ADAMTSL3: variants seen among roughly 807,000 people sequenced by gnomAD.
The protein encoded by ADAMTSL3 is ADAMTS like 3.
In ADAMTSL3, 128 loss-of-function variants were observed where a neutral mutation model predicts 201.7. That is an observed-to-expected ratio of 0.63 (90% confidence interval 0.55 to 0.73). The LOEUF (loss-of-function observed/expected upper bound fraction) is 0.73, where lower values mean the gene tolerates loss of function less well. ADAMTSL3 is among the 30% of genes least tolerant of loss of function. ADAMTSL3 has a pLI of 0.00. For synonymous variants in ADAMTSL3, 738 were observed against 748.4 expected (o/e 0.99, Z 0.23); for missense variants, 1,990 against 2,119.6 (o/e 0.94, Z 1.20).
At chr15:83,945,030 C>A (rs537184986) in intron 19 of ADAMTSL3, among the ~76,000 whole-genome samples, 264 of 152,306 alleles carry the variant, frequency 1.7e-3, no homozygotes, top group African/African-American at 6.2e-3. Flanking sequence ...ACTGTCTTAA[C>A]TGAAAACCTA....
chr15:83,811,614 G>A (rs957837192), intron 5 of ADAMTSL3, among the ~76,000 whole-genome samples: 4 of 152,220 alleles, frequency 2.6e-5, no homozygotes, highest in African/African-American at 9.7e-5. Flanking sequence ...GGCCTTGGGG[G>A]TTACCTGTGG....
intron 24 of ADAMTSL3, among the ~76,000 whole-genome samples, chr15:84,015,190 C>T (rs561396670): frequency 1.2e-4 from 19 of 152,248 alleles, no homozygotes; most frequent in African/African-American, 3.9e-4. Context: ...GTGATCTGCC[C>T]GCCTTGGCCT....
intron 3 of ADAMTSL3, among the ~76,000 whole-genome samples, chr15:83,763,536 G>T (rs1418279067): frequency 7.2e-6 from 1 of 137,952 alleles, no homozygotes; most frequent in African/African-American, 2.8e-5. Flanking sequence ...ACAGAGTCTC[G>T]CTCTGTCACC....
rs1330112199 is a variant in ADAMTSL3 at position 84,037,977 on chromosome 15, TG to T, written c.*173del. On this transcript the variant is annotated 3_prime_UTR_variant, in exon 30 of 30. Coordinates refer to ENST00000286744, the MANE Select transcript of ADAMTSL3 (RefSeq NM_207517.3). ...TAAGGTGTAAAGTGAAATTTTCCAA[TG>T]GTAGTTTTATATTCCAATTTTTTAA... 4 of 1,069,760 alleles carry T rather than the reference TG, an allele frequency of 3.7e-6. No individual in the cohort carries two copies. Among genetic ancestry groups the T allele is most frequent in the Non-Finnish European group, 5.1e-6 (4 of 786,286 alleles). The allele number at this position is 1,069,760 out of a possible 1,614,324, so 66.3% of individuals were successfully genotyped here. A position where few individuals can be genotyped will look rare whatever the true frequency, so the allele number is the denominator to read the frequency against.
intron 8 of ADAMTSL3, chr15:83,862,359 C>A (rs1394843444): frequency 6.6e-6 from 1 of 152,204 alleles, no homozygotes; most frequent in Non-Finnish European, 1.5e-5. Context: ...TTGTTAAGGG[C>A]AGCCAGAGAG....
chr15:83,888,321 AAATT>A (rs1374313030), intron 10 of ADAMTSL3, among the ~76,000 whole-genome samples: 2 of 152,222 alleles, frequency 1.3e-5, no homozygotes, highest in African/African-American at 4.8e-5. Context: ...CAAAAGAGGA[AAATT>A]AATTGTCTCT....
Position 83,745,183 on chromosome 15 carries a change from A to T in ADAMTSL3, c.190-28340A>T, listed in dbSNP as rs549620670. Among the ~76,000 whole-genome samples the T allele has an allele frequency of 5.3e-5, 8 of 152,274 alleles. No individual in the cohort carries two copies. The South Asian group carries it at 1.7e-3, about 32-fold the overall frequency. On this transcript the variant is annotated intron_variant, in intron 3 of 29. Coordinates refer to ENST00000286744, the MANE Select transcript of ADAMTSL3 (RefSeq NM_207517.3). ...GCTTCAGAGAGGAGTCCACATGGGG[A>T]GTATCACCTTCCTGGTCCATCCCCT...
intron 15 of ADAMTSL3, 117 bp from the exon 16 acceptor site, chr15:83,912,975 A>G (rs2065958922): frequency 1.8e-6 from 2 of 1,094,184 alleles, no homozygotes; most frequent in Non-Finnish European, 1.3e-6. Context: ...AATGTGTGGA[A>G]TTCCACCGAG....
intron 2 of ADAMTSL3, among the ~76,000 whole-genome samples, chr15:83,703,166 A>C (rs1226218179): frequency 1.3e-5 from 2 of 152,128 alleles, no homozygotes; most frequent in Non-Finnish European, 1.5e-5. Flanking sequence ...TCCCATTTGG[A>C]ATGGCTGTGT....
intron 4 of ADAMTSL3, among the ~76,000 whole-genome samples, chr15:83,795,061 C>T (rs1160341393): frequency 2.0e-5 from 3 of 151,996 alleles, no homozygotes; most frequent in Non-Finnish European, 4.4e-5. Context: ...ACCATGCTGG[C>T]CAGGCTGGTC....
chr15:83,884,918 C>T (rs2065356361), intron 9 of ADAMTSL3, among the ~76,000 whole-genome samples, 183 bp from the exon 10 acceptor site: 1 of 152,158 alleles, frequency 6.6e-6, no homozygotes, highest in Non-Finnish European at 1.5e-5. Flanking sequence ...ACCTGAGCCC[C>T]CATTTATGAC....
rs199843620 is a variant in ADAMTSL3 at position 83,991,074 on chromosome 15, C to G, written c.3845-12C>G. The G allele has an allele frequency of 1.9e-6, 3 of 1,614,122 alleles. No individual in the cohort carries two copies. The highest frequency in any genetic ancestry group is 2.7e-5 in the African/African-American group (2 of 75,058). On this transcript the variant is annotated splice_polypyrimidine_tract_variant and intron_variant, in intron 22 of 29. Transcript: ENST00000286744. ...TGAACCTAACATAGTTTCCTGCTCC[C>G]TTTGAATTAAGAGGCACCTGTCATC...
chr15:83,984,539 CTTTAAAA>C lies in ADAMTSL3; in HGVS notation c.3716+1203_3716+1209del, dbSNP rs1332113745. 1.8e-4 allele frequency among the ~76,000 whole-genome samples: 27 copies of C among 152,198 alleles called. No individual in the cohort carries two copies. In the East Asian group the frequency reaches 5.0e-3, roughly 28 times the overall value. On this transcript the variant is annotated intron_variant, in intron 21 of 29. Transcript: ENST00000286744. ...TTCTCAGAGCTTTTGGTTTTAGACT[CTTTAAAA>C]TTTAAAAATGATTGAGGAGCCTAAA...
chr15:83,827,198 C>A (rs1220938809), intron 6 of ADAMTSL3, among the ~76,000 whole-genome samples: 1 of 152,172 alleles, frequency 6.6e-6, no homozygotes, highest in Non-Finnish European at 1.5e-5. Flanking sequence ...TTAATGATCG[C>A]CATTCTAACT....
intron 27 of ADAMTSL3, among the ~76,000 whole-genome samples, chr15:84,027,103 A>T: frequency 6.6e-6 from 1 of 152,224 alleles, no homozygotes; most frequent in East Asian, 1.9e-4. Flanking sequence ...TCAGCAAGAT[A>T]TGCAAATGGC....
At chr15:83,823,874 C>A (rs964014995) in intron 6 of ADAMTSL3, among the ~76,000 whole-genome samples, 7 of 150,930 alleles carry the variant, frequency 4.6e-5, no homozygotes. Flanking sequence ...AAACAGACTC[C>A]ATTTCCTTCT....
intron 19 of ADAMTSL3, among the ~76,000 whole-genome samples, chr15:83,969,399 A>C (rs1221678823): frequency 1.3e-5 from 2 of 152,350 alleles, no homozygotes; most frequent in East Asian, 3.9e-4. Flanking sequence ...AGCTGAGATC[A>C]TGCCACTGCA....
Position 84,025,410 on chromosome 15 carries a change from T to C in ADAMTSL3, c.4630T>C (p.Cys1544Arg), listed in dbSNP as rs1342600901. 1 of 1,614,048 alleles carries C rather than the reference T, an allele frequency of 6.2e-7. No individual in the cohort carries two copies. The highest frequency in any genetic ancestry group is 1.7e-5 in the Admixed American group (1 of 60,016). ...LGRKPCFGHP[C>R]VQWEPGNRCP... ...AAGAAAACCATGTTTTGGTCATCCA[T>C]GTGTTCAGTGGGAACCAGGGAACCG... The change falls in exon 27 of 30, where the codon TGT becomes CGT. Residue 1544 changes from cysteine to arginine, a missense_variant. By Grantham distance (180) the Cys-to-Arg change is radical. Transcript: ENST00000286744.
chr15:83,866,011 G>T (rs754467602), intron 8 of ADAMTSL3, among the ~76,000 whole-genome samples: 17 of 152,200 alleles, frequency 1.1e-4, no homozygotes, highest in Non-Finnish European at 2.4e-4. Context: ...ATGAAAAAAT[G>T]CTCATCATCA....
Sources: gnomAD v4.1 joint callset for allele counts (sites outside exome capture counted in the v4.1 genomes callset) on GRCh38, gnomAD v4.1.1 for gene constraint, MANE v1.5 for transcripts, NCBI Gene and HGNC (gene_info 2026-07-23, HGNC 2026-07-21) for gene names.